Variants in PLEKHB2 observed in about 807,000 individuals in gnomAD.
PLEKHB2 encodes the protein pleckstrin homology domain-containing family B member 2.
PLEKHB2 carries 31 observed loss-of-function variants against 36.5 expected under a neutral mutation model. The ratio of observed to expected loss-of-function variants is 0.85; its 90% CI spans 0.64 to 1.15. The LOEUF is 1.15. PLEKHB2 is among the 50% of genes most tolerant of loss of function. The pLI is 0.00. For synonymous variants in PLEKHB2, 119 were observed against 112.0 expected (o/e 1.06, Z -0.39); for missense variants, 262 against 295.3 (o/e 0.89, Z 0.83).
chr2:131,137,272 AAC>A lies in PLEKHB2; in HGVS notation c.424-2889_424-2888del, dbSNP rs374722942. Among the ~76,000 whole-genome samples the A allele has an allele frequency of 1.6e-3, 244 of 152,246 alleles. 1 individual carries two copies. Among genetic ancestry groups the A allele is most frequent in the African/African-American group, 5.7e-3 (238 of 41,552 alleles). Reference sequence around the variant, plus strand: ...TCTTTTTACTTTTTTTGGCCTAACCAACACACATCTATTTGTCACAGTTCTGG... The same window carrying A: ...TCTTTTTACTTTTTTTGGCCTAACCAACACATCTATTTGTCACAGTTCTGG... On this transcript the variant is annotated intron_variant, in intron 6 of 7. Coordinates refer to ENST00000693505, the MANE Select transcript of PLEKHB2 (RefSeq NM_001100623.2).
intron 5 of PLEKHB2, among the ~76,000 whole-genome samples, chr2:131,132,486 A>G (rs1394128247): frequency 6.6e-6 from 1 of 151,890 alleles, no homozygotes; most frequent in Non-Finnish European, 1.5e-5. Context: ...TTTTGTAGAG[A>G]TGAGCTCTCC....
At chr2:131,129,324 C>CAAAAAA (rs1168039416) in intron 4 of PLEKHB2, among the ~76,000 whole-genome samples, 16 of 49,982 alleles carry the variant, frequency 3.2e-4, no homozygotes, top group Non-Finnish European at 4.3e-4. Flanking sequence ...GACTCCATCT[C>CAAAAAA]AAAAAAAAAA....
At chr2:131,120,899 G>A (rs754657096) in intron 1 of PLEKHB2, 35 bp from the exon 2 acceptor site, 12 of 1,605,998 alleles carry the variant, frequency 7.5e-6, no homozygotes, top group Admixed American at 1.7e-5. Flanking sequence ...CTCTTTCTGG[G>A]TATGATTTTG....
At chr2:131,132,096 G>A (rs1026038871) in intron 5 of PLEKHB2, among the ~76,000 whole-genome samples, 1 of 152,106 alleles carries the variant, frequency 6.6e-6, no homozygotes, top group Admixed American at 6.5e-5. Flanking sequence ...CTCCCAAAAT[G>A]CTGTGATTAA....
At position 131,128,496 on chromosome 2, in the gene PLEKHB2, C is replaced by T. The variant is rs1697323392; in HGVS notation, c.293+1710C>T. Among the ~76,000 whole-genome samples the T allele has an allele frequency of 2.0e-5, 3 of 152,186 alleles. No individual in the cohort carries two copies. The South Asian group carries it at 6.2e-4, about 32-fold the overall frequency. On this transcript the variant is annotated intron_variant, in intron 4 of 7. Transcript: ENST00000693505. ...CCCATACACACTCACCATCTATCAA[C>T]TATTTATCTTGTTCATCATCTGCTT...
chr2:131,121,055 T>C (rs1382293000), intron 2 of PLEKHB2, 77 bp downstream of exon 2: 1 of 1,416,920 alleles, frequency 7.1e-7, no homozygotes, highest in South Asian at 1.2e-5. Flanking sequence ...AAGTTGATCA[T>C]ATTTAAAAGC....
intron 6 of PLEKHB2, among the ~76,000 whole-genome samples, chr2:131,133,809 T>C (rs1697960039): frequency 6.6e-6 from 1 of 152,146 alleles, no homozygotes; most frequent in East Asian, 1.9e-4. Context: ...ATATAGCACG[T>C]GGTCTTGGGA....
intron 7 of PLEKHB2, among the ~76,000 whole-genome samples, chr2:131,142,573 T>C (rs1698901910): frequency 1.3e-5 from 2 of 151,224 alleles, no homozygotes; most frequent in African/African-American, 4.9e-5. Flanking sequence ...TTTCTTTTTT[T>C]TTCTTTTTTT....
chr2:131,146,504 T>G, intron 7 of PLEKHB2, 133 bp from the exon 8 acceptor site: 1 of 827,812 alleles, frequency 1.2e-6, no homozygotes. Context: ...ATGTGCCTGT[T>G]GTGGAGGAGG....
In PLEKHB2 at chr2:131,148,440, A is replaced by G. The variant is rs1248018249; in HGVS notation, c.*1667A>G. 6.6e-6 allele frequency: 1 copy of G among 152,188 alleles called. No homozygotes were observed. Among genetic ancestry groups the G allele is most frequent in the Non-Finnish European group, 1.5e-5 (1 of 68,032 alleles). The allele number at this position is 152,188 out of a possible 1,614,324, so 9.4% of individuals were successfully genotyped here. A position where few individuals can be genotyped will look rare whatever the true frequency, so the allele number is the denominator to read the frequency against. Reference sequence around the variant, plus strand: ...CATGCTTTCAACAGTGTGCTTTTACAGTGGCAGTTTAGCACAGCGAATGTC... The same window carrying G: ...CATGCTTTCAACAGTGTGCTTTTACGGTGGCAGTTTAGCACAGCGAATGTC... On this transcript the variant is annotated 3_prime_UTR_variant, in exon 8 of 8. Coordinates refer to ENST00000693505, the MANE Select transcript of PLEKHB2 (RefSeq NM_001100623.2).
At chr2:131,114,854 T>G (rs1316810803) in intron 1 of PLEKHB2, among the ~76,000 whole-genome samples, 1 of 152,190 alleles carries the variant, frequency 6.6e-6, no homozygotes, top group Non-Finnish European at 1.5e-5. Context: ...TCCCACATCT[T>G]TCTGTCTTCT....
At position 131,127,042 on chromosome 2, in the gene PLEKHB2, A is replaced by C. The variant is rs934994583; in HGVS notation, c.293+256A>C. 37 of 380,904 alleles carry C rather than the reference A, an allele frequency of 9.7e-5. No individual in the cohort carries two copies. The South Asian group carries it at 1.1e-3, about 11-fold the overall frequency. 23.6% of individuals were successfully genotyped at this position (380,904 alleles called of 1,614,324 possible). A position where few individuals can be genotyped will look rare whatever the true frequency, so the allele number is the denominator to read the frequency against. ...TCTCATCATGCTGTCTTTCATTATTAGATTCACAGTGGGTAACGGGCATAG... is the reference window on the plus strand; with the variant it reads ...TCTCATCATGCTGTCTTTCATTATTCGATTCACAGTGGGTAACGGGCATAG... On this transcript the variant is annotated intron_variant, in intron 4 of 7. Coordinates refer to ENST00000693505, the MANE Select transcript of PLEKHB2 (RefSeq NM_001100623.2).
At chr2:131,126,893 G>T in intron 4 of PLEKHB2, 107 bp downstream of exon 4, 1 of 669,102 alleles carries the variant, frequency 1.5e-6, no homozygotes. Context: ...TCAGGCATCA[G>T]AATAAGGGAC....
intron 1 of PLEKHB2, among the ~76,000 whole-genome samples, chr2:131,108,964 A>T (rs1300156599): frequency 6.6e-6 from 1 of 152,156 alleles, no homozygotes; most frequent in East Asian, 1.9e-4. Flanking sequence ...GACTTGTCCG[A>T]TTGAGTCAGG....
chr2:131,110,663 A>G (rs561968158), intron 1 of PLEKHB2, among the ~76,000 whole-genome samples: 112 of 152,158 alleles, frequency 7.4e-4, no homozygotes, highest in Admixed American at 3.4e-3. Flanking sequence ...AAGAGCCACC[A>G]TGCCTGGCCT....
At chr2:131,141,947 A>G (rs867789010) in intron 7 of PLEKHB2, among the ~76,000 whole-genome samples, 12 of 152,218 alleles carry the variant, frequency 7.9e-5, no homozygotes, top group African/African-American at 2.9e-4. Flanking sequence ...AAAGACAAGT[A>G]AAATAATTAC....
chr2:131,108,975 A>G (rs986643086), intron 1 of PLEKHB2, among the ~76,000 whole-genome samples: 43 of 152,124 alleles, frequency 2.8e-4, no homozygotes, highest in African/African-American at 9.4e-4. Context: ...TTGAGTCAGG[A>G]TCTGAACATA....
chr2:131,112,689 G>A (rs1695449666), intron 1 of PLEKHB2, among the ~76,000 whole-genome samples: 1 of 152,048 alleles, frequency 6.6e-6, no homozygotes, highest in Non-Finnish European at 1.5e-5. Flanking sequence ...CACATTCCAG[G>A]AACATGAAGA....
intron 2 of PLEKHB2, among the ~76,000 whole-genome samples, chr2:131,122,231 A>T (rs563465875): frequency 4.6e-5 from 7 of 152,302 alleles, no homozygotes; most frequent in Admixed American, 4.6e-4. Context: ...TGTGTTTTAA[A>T]GTGGGAAGAA....
Sources: allele counts gnomAD v4.1 joint callset (sites outside exome capture counted in the v4.1 genomes callset), GRCh38; gene constraint gnomAD v4.1.1; transcripts MANE v1.5; gene names NCBI Gene and HGNC (gene_info 2026-07-23, HGNC 2026-07-21).